RGS6: variants seen among roughly 807,000 people sequenced by gnomAD.
RGS6 encodes regulator of G-protein signaling 6.
In RGS6, 30 loss-of-function variants were observed where a neutral mutation model predicts 78.5. That is an observed-to-expected ratio of 0.38 (90% CI 0.29 to 0.52). The LOEUF is 0.52. Among genes scored for constraint, RGS6 ranks in the 20% least tolerant of loss-of-function variants. The probability of loss-of-function intolerance (pLI) is 0.85; values close to 1 mark genes in which losing one functional copy is unlikely to be tolerated. For synonymous variants in RGS6, 206 were observed against 206.0 expected, an observed-to-expected ratio of 1.00 and a Z score of 0.00; for missense variants, 495 against 609.7, an observed-to-expected ratio of 0.81 and a Z score of 1.98.
At chr14:72,492,555 G>A (rs911154347) in intron 12 of RGS6, among the ~76,000 whole-genome samples, 8 of 152,164 alleles carry the variant, frequency 5.3e-5, no homozygotes, top group East Asian at 3.8e-4. Flanking sequence ...GACTTACGTC[G>A]GGGGAGAAAA....
At chr14:72,136,710 A>G (rs752117075) in intron 2 of RGS6, among the ~76,000 whole-genome samples, 3 of 152,214 alleles carry the variant, frequency 2.0e-5, no homozygotes, top group Non-Finnish European at 4.4e-5. Flanking sequence ...GACACAGCCA[A>G]ACCATATCAA....
At chr14:72,615,509 G>A in the RGS6 span, among the ~76,000 whole-genome samples, 1 of 152,216 alleles carries the variant, frequency 6.6e-6, no homozygotes, top group Admixed American at 6.5e-5. Flanking sequence ...ACCCTCCAGG[G>A]TATCATGAAA....
At chr14:72,509,939 A>G (rs943783091) in intron 13 of RGS6, among the ~76,000 whole-genome samples, 6 of 152,206 alleles carry the variant, frequency 3.9e-5, no homozygotes, top group East Asian at 1.9e-4. Flanking sequence ...ATCACTTAAC[A>G]TGCCTCCTTA....
At chr14:72,547,867 C>T (rs1366425250) in intron 17 of RGS6, among the ~76,000 whole-genome samples, 3 of 152,152 alleles carry the variant, frequency 2.0e-5, no homozygotes, top group Non-Finnish European at 4.4e-5. Context: ...CAGATTCTCT[C>T]CACACCCCCC....
At chr14:71,933,076 A>G (rs1244600063) in intron 1 of RGS6, 135 bp downstream of exon 1, 2 of 152,452 alleles carry the variant, frequency 1.3e-5, no homozygotes, top group East Asian at 1.9e-4. Flanking sequence ...TCCATTTCAG[A>G]TGCGTGACAG....
Position 71,960,926 on chromosome 14 carries a change from A to T in RGS6, c.-20-3846A>T, listed in dbSNP as rs563643693. On this transcript the variant is annotated intron_variant, in intron 1 of 17. Transcript: ENST00000553525. ...ATATTACAGTGTCCTTTCTGTGAACACATCTGTTATTCCTACCGGTCTCTG... is the reference window on the plus strand; with the variant it reads ...ATATTACAGTGTCCTTTCTGTGAACTCATCTGTTATTCCTACCGGTCTCTG... 2.6e-5 allele frequency among the ~76,000 whole-genome samples: 4 copies of T among 152,314 alleles called. No homozygotes were observed. The East Asian group carries it at 7.7e-4, about 29-fold the overall frequency.
At chr14:72,018,556 G>A (rs886814473) in intron 2 of RGS6, among the ~76,000 whole-genome samples, 4 of 152,276 alleles carry the variant, frequency 2.6e-5, no homozygotes, top group South Asian at 2.1e-4. Flanking sequence ...TTCCAGAGGC[G>A]GTGGTCTGGA....
chr14:72,513,555 G>T (rs2096904241), intron 14 of RGS6, among the ~76,000 whole-genome samples: 1 of 152,220 alleles, frequency 6.6e-6, no homozygotes, highest in Admixed American at 6.5e-5. Context: ...TTTGTTGAGT[G>T]CCTTGGGAAT....
chr14:72,140,013 C>G (rs543395118), intron 2 of RGS6, among the ~76,000 whole-genome samples: 48 of 151,462 alleles, frequency 3.2e-4, no homozygotes, highest in Middle Eastern at 6.8e-3. Flanking sequence ...AAGTCTCTAC[C>G]TAGTAGAGAT....
At chr14:72,413,420 G>A (rs112621900) in intron 3 of RGS6, among the ~76,000 whole-genome samples, 7 of 152,026 alleles carry the variant, frequency 4.6e-5, no homozygotes, top group Admixed American at 6.5e-5. Context: ...CCATTTGCTT[G>A]GTAGATCTTC....
the RGS6 span, among the ~76,000 whole-genome samples, chr14:71,920,820 C>T: frequency 6.6e-6 from 1 of 152,152 alleles, no homozygotes; most frequent in Admixed American, 6.5e-5. Context: ...AGATATGACC[C>T]CAGAAGCACA....
At chr14:72,524,074 A>C (rs912072947) in intron 15 of RGS6, among the ~76,000 whole-genome samples, 1 of 152,208 alleles carries the variant, frequency 6.6e-6, no homozygotes, top group Non-Finnish European at 1.5e-5. Flanking sequence ...AAAAGTAAAA[A>C]GTGCTATATA....
At chr14:72,179,221 C>T (rs1230023458) in intron 2 of RGS6, among the ~76,000 whole-genome samples, 1 of 152,184 alleles carries the variant, frequency 6.6e-6, no homozygotes, top group African/African-American at 2.4e-5. Context: ...ATCTCCTTTG[C>T]CCCTTTTTGT....
chr14:72,262,951 A>T (rs2058426234), intron 2 of RGS6, among the ~76,000 whole-genome samples: 1 of 152,108 alleles, frequency 6.6e-6, no homozygotes, highest in African/African-American at 2.4e-5. Context: ...GGGCAGCTCC[A>T]GGCTGATCTG....
intron 2 of RGS6, among the ~76,000 whole-genome samples, chr14:72,115,603 AG>A (rs1458289784): frequency 6.6e-6 from 1 of 152,152 alleles, no homozygotes; most frequent in Non-Finnish European, 1.5e-5. Flanking sequence ...CTGCCCCCTC[AG>A]CCTGCTGGTG....
chr14:72,222,022 G>A (rs1443961356), intron 2 of RGS6, among the ~76,000 whole-genome samples: 1 of 152,166 alleles, frequency 6.6e-6, no homozygotes, highest in Non-Finnish European at 1.5e-5. Flanking sequence ...CACTTTCATG[G>A]TCACTGAACA....
chr14:72,580,018 A>G, the RGS6 span, among the ~76,000 whole-genome samples: 1 of 152,188 alleles, frequency 6.6e-6, no homozygotes, highest in Non-Finnish European at 1.5e-5. Context: ...ACAAATGAGG[A>G]CACCTAGCCT....
intron 2 of RGS6, among the ~76,000 whole-genome samples, chr14:72,144,848 A>G (rs944705050): frequency 2.6e-5 from 4 of 152,100 alleles, no homozygotes; most frequent in African/African-American, 9.7e-5. Context: ...GCAGTGAAGA[A>G]AGAGTAATTC....
At chr14:72,446,750 T>G (rs1323457535) in intron 3 of RGS6, among the ~76,000 whole-genome samples, 1 of 151,098 alleles carries the variant, frequency 6.6e-6, no homozygotes, top group Non-Finnish European at 1.5e-5. Flanking sequence ...ACCTGGGGGG[T>G]GATGGGAGAC....
Sources: gnomAD v4.1 joint callset for allele counts (sites outside exome capture counted in the v4.1 genomes callset) on GRCh38, gnomAD v4.1.1 for gene constraint, MANE v1.5 for transcripts, NCBI Gene and HGNC (gene_info 2026-07-23, HGNC 2026-07-21) for gene names.